TPD52: variants seen among roughly 807,000 people sequenced by gnomAD.
TPD52 encodes the protein tumor protein D52.
TPD52 carries 17 observed loss-of-function variants against 31.3 expected under a neutral mutation model. That is an observed-to-expected ratio of 0.54 (90% CI 0.37 to 0.82). The LOEUF is 0.82. Among genes scored for constraint, TPD52 ranks in the 40% least tolerant of loss-of-function variants. The pLI, the probability that TPD52 is intolerant of heterozygous loss-of-function variation, is 0.00. For synonymous variants in TPD52, 83 were observed against 89.6 expected, an observed-to-expected ratio of 0.93 and a Z score of 0.42; for missense variants, 212 against 240.1, an observed-to-expected ratio of 0.88 and a Z score of 0.77.
intron 1 of TPD52, chr8:80,080,547 C>A: frequency 6.6e-7 from 1 of 1,507,378 alleles, no homozygotes; most frequent in Non-Finnish European, 8.9e-7. Flanking sequence ...TAGGGTGCAA[C>A]TTCACTGAAG....
At chr8:80,133,419 C>G (rs1282697857) in intron 1 of TPD52, among the ~76,000 whole-genome samples, 2 of 152,186 alleles carry the variant, frequency 1.3e-5, no homozygotes, top group Non-Finnish European at 2.9e-5. Flanking sequence ...CAACCCCCCT[C>G]AAATTCAGAA....
At chr8:80,104,047 T>C (rs1297519154) in intron 1 of TPD52, among the ~76,000 whole-genome samples, 1 of 152,138 alleles carries the variant, frequency 6.6e-6, no homozygotes, top group African/African-American at 2.4e-5. Flanking sequence ...TCCTGGGGCA[T>C]AGCTGGGGAC....
At chr8:80,053,211 C>T (rs955000402) in intron 3 of TPD52, 71 bp downstream of exon 3, 1 of 1,499,710 alleles carries the variant, frequency 6.7e-7, no homozygotes. Flanking sequence ...CTTTTTCTTC[C>T]CCTCTCCAGA....
At chr8:80,113,488 C>T (rs547809180) in intron 1 of TPD52, among the ~76,000 whole-genome samples, 6 of 152,284 alleles carry the variant, frequency 3.9e-5, no homozygotes, top group African/African-American at 1.4e-4. Flanking sequence ...CCCATGTTTA[C>T]TGCAGCACTA....
At position 80,054,361 on chromosome 8, in the gene TPD52, G is replaced by C. The variant is rs149945288; in HGVS notation, c.136-931C>G. ...AAAAATGGACAGAGTAGAACAAAAGGCTAATCCAGGAAAACAGGGAAAATG... is the reference window on the plus strand; with the variant it reads ...AAAAATGGACAGAGTAGAACAAAAGCCTAATCCAGGAAAACAGGGAAAATG... On this transcript the variant is annotated intron_variant, in intron 2 of 7. Transcript: ENST00000518937. Among the ~76,000 whole-genome samples the C allele has an allele frequency of 6.4e-3, 975 of 152,200 alleles. 5 individuals are homozygous for C. The highest frequency in any genetic ancestry group is 0.022 in the African/African-American group (932 of 41,520).
intron 1 of TPD52, among the ~76,000 whole-genome samples, chr8:80,065,087 TTC>T (rs1411804227): frequency 6.6e-6 from 1 of 152,148 alleles, no homozygotes; most frequent in Non-Finnish European, 1.5e-5. Context: ...GTAAATTTTA[TTC>T]TGTTTCTTTC....
At chr8:80,138,789 C>T (rs1482225791) in intron 1 of TPD52, among the ~76,000 whole-genome samples, 1 of 152,140 alleles carries the variant, frequency 6.6e-6, no homozygotes, top group African/African-American at 2.4e-5. Context: ...TGTGGCTCAC[C>T]GCATCCTCCC....
chr8:80,065,804 T>A (rs1025322198), intron 1 of TPD52, among the ~76,000 whole-genome samples: 8 of 152,186 alleles, frequency 5.3e-5, no homozygotes, highest in African/African-American at 1.9e-4. Context: ...CATTAATTTT[T>A]AAAAATATTG....
chr8:80,039,416 C>G (rs544349472), intron 7 of TPD52, among the ~76,000 whole-genome samples: 2 of 152,150 alleles, frequency 1.3e-5, no homozygotes, highest in Non-Finnish European at 2.9e-5. Context: ...TACATCCAAT[C>G]AATCTTTTTT....
chr8:80,127,142 TAAAAGAAATTTTGTAC>T, intron 1 of TPD52, among the ~76,000 whole-genome samples: 1 of 152,102 alleles, frequency 6.6e-6, no homozygotes, highest in South Asian at 2.1e-4. Context: ...GATACCATGT[TAAAAGAAATTTTGTAC>T]AAAAGAAATT....
intron 1 of TPD52, chr8:80,064,849 C>T (rs765699610): frequency 1.5e-5 from 9 of 616,658 alleles, no homozygotes; most frequent in Middle Eastern, 5.0e-4. Context: ...TTCATAGTCT[C>T]AGTCACAATA....
intron 1 of TPD52, among the ~76,000 whole-genome samples, chr8:80,149,045 A>G (rs1810393400): frequency 6.6e-6 from 1 of 152,206 alleles, no homozygotes; most frequent in Non-Finnish European, 1.5e-5. Flanking sequence ...CCTCATATAA[A>G]AGAAATATCC....
intron 1 of TPD52, among the ~76,000 whole-genome samples, chr8:80,117,719 T>C (rs1807961373): frequency 7.1e-6 from 1 of 140,212 alleles, no homozygotes; most frequent in Non-Finnish European, 1.5e-5. Context: ...ACTCATGCTT[T>C]CTTTTTTTTT....
At chr8:80,164,917 A>G (rs922752244) in intron 1 of TPD52, among the ~76,000 whole-genome samples, 3 of 150,184 alleles carry the variant, frequency 2.0e-5, no homozygotes, top group African/African-American at 7.3e-5. Context: ...AAAAAAAAAA[A>G]AAAAAAAAAA....
chr8:80,040,347 C>T (rs1245159423), intron 7 of TPD52, among the ~76,000 whole-genome samples: 2 of 151,852 alleles, frequency 1.3e-5, no homozygotes, highest in Non-Finnish European at 2.9e-5. Context: ...GCCAACACAT[C>T]AGCTAATTTT....
At chr8:80,088,914 C>G (rs937378522) in intron 1 of TPD52, among the ~76,000 whole-genome samples, 2 of 152,102 alleles carry the variant, frequency 1.3e-5, no homozygotes, top group Admixed American at 6.6e-5. Flanking sequence ...CCAGGATGGT[C>G]TCGATCTCCT....
intron 1 of TPD52, among the ~76,000 whole-genome samples, chr8:80,153,498 CA>C (rs1159628323): frequency 4.6e-5 from 7 of 152,214 alleles, no homozygotes; most frequent in Admixed American, 2.6e-4. Flanking sequence ...TTAAAATCAA[CA>C]AAAGCAAGAC....
intron 1 of TPD52, among the ~76,000 whole-genome samples, chr8:80,137,419 A>AT (rs11349154): frequency 6.6e-6 from 1 of 151,218 alleles, no homozygotes; most frequent in Non-Finnish European, 1.5e-5. Flanking sequence ...TATATGTTAG[A>AT]TTTTTTTTTT....
chr8:80,046,305 C>T (rs1177756631), intron 5 of TPD52, among the ~76,000 whole-genome samples: 1 of 152,162 alleles, frequency 6.6e-6, no homozygotes, highest in Non-Finnish European at 1.5e-5. Flanking sequence ...GAGTCAAAGT[C>T]AAGGTCTCTC....
Sources: gnomAD v4.1 joint callset for allele counts (sites outside exome capture counted in the v4.1 genomes callset) on GRCh38, gnomAD v4.1.1 for gene constraint, MANE v1.5 for transcripts, NCBI Gene and HGNC (gene_info 2026-07-23, HGNC 2026-07-21) for gene names.